Variants in GPHN observed in about 807,000 individuals in gnomAD.
GPHN encodes gephyrin.
In GPHN, 17 loss-of-function variants were observed where a neutral mutation model predicts 95.5. That is an observed-to-expected ratio of 0.18 (90% confidence interval 0.12 to 0.27). The LOEUF (loss-of-function observed/expected upper bound fraction) is 0.27. Ranked by LOEUF, GPHN falls within the 10% of genes least tolerant of loss-of-function variation. The pLI, the probability that GPHN is intolerant of heterozygous loss-of-function variation, is 1.00. For missense variants in GPHN, 660 were observed against 978.1 expected (o/e 0.67, Z 4.34); for synonymous variants, 320 against 322.5 (o/e 0.99, Z 0.08).
chr14:67,138,352 T>G (rs1438957202), intron 17 of GPHN, among the ~76,000 whole-genome samples: 2 of 152,210 alleles, frequency 1.3e-5, no homozygotes, highest in Non-Finnish European at 2.9e-5. Flanking sequence ...AAGGTCAGAT[T>G]ATAATGTTTT....
chr14:67,542,054 C>T, the GPHN span: 20 of 1,447,052 alleles, frequency 1.4e-5, no homozygotes, highest in Non-Finnish European at 1.8e-5. Context: ...CAGGGAGGGC[C>T]GTGTGAGAGA....
At chr14:66,934,127 A>G (rs1361646645) in intron 8 of GPHN, among the ~76,000 whole-genome samples, 6 of 142,630 alleles carry the variant, frequency 4.2e-5, no homozygotes, top group Admixed American at 7.1e-5. Context: ...TGACAGAGCA[A>G]GACTCTGTCT....
At chr14:66,596,394 G>C (rs1166430498) in intron 1 of GPHN, among the ~76,000 whole-genome samples, 2 of 152,020 alleles carry the variant, frequency 1.3e-5, no homozygotes, top group Non-Finnish European at 2.9e-5. Flanking sequence ...TCTGCCTCCT[G>C]CTGCCATTAA....
chr14:67,546,537 C>T, the GPHN span, among the ~76,000 whole-genome samples: 678 of 152,096 alleles, frequency 4.5e-3, 17 homozygotes, highest in East Asian at 0.061. Context: ...ATTACAGGCG[C>T]GCGCCACCAC....
chr14:67,455,455 A>G, the GPHN span, among the ~76,000 whole-genome samples: 56,741 of 152,006 alleles, frequency 0.37, 11,979 homozygotes, highest in African/African-American at 0.57. Context: ...CCCTGACTAG[A>G]TCAAATCCCC....
At chr14:66,550,495 C>T (rs1453664135) in intron 1 of GPHN, among the ~76,000 whole-genome samples, 1 of 152,198 alleles carries the variant, frequency 6.6e-6, no homozygotes, top group Non-Finnish European at 1.5e-5. Flanking sequence ...ATGCTATAGA[C>T]ATTGTTGAAG....
At chr14:66,742,471 G>A (rs548773925) in intron 2 of GPHN, among the ~76,000 whole-genome samples, 17 of 152,110 alleles carry the variant, frequency 1.1e-4, no homozygotes, top group Non-Finnish European at 2.4e-4. Context: ...ATATGCCCCT[G>A]AGCCTATATA....
chr14:66,737,457 A>G (rs978649034), intron 2 of GPHN, among the ~76,000 whole-genome samples: 4 of 151,748 alleles, frequency 2.6e-5, no homozygotes, highest in African/African-American at 9.7e-5. Context: ...TTCTTTTCAT[A>G]TTCTACCCAA....
At chr14:66,861,470 C>A (rs1046182825) in intron 4 of GPHN, among the ~76,000 whole-genome samples, 26 of 152,034 alleles carry the variant, frequency 1.7e-4, no homozygotes, top group Non-Finnish European at 3.4e-4. Context: ...AAACATCAGA[C>A]TTAATCAGCA....
the GPHN span, chr14:67,582,156 G>A: frequency 4.5e-5 from 72 of 1,613,558 alleles, no homozygotes; most frequent in Non-Finnish European, 6.0e-5. This position sits in a 1 kb window ranked among gnomAD's most constrained non-coding sequence, Gnocchi z 5.0. Flanking sequence ...TAGTGGCAGG[G>A]AGGTTTCCTA....
At chr14:66,575,779 G>A (rs1177183109) in intron 1 of GPHN, among the ~76,000 whole-genome samples, 1 of 152,134 alleles carries the variant, frequency 6.6e-6, no homozygotes, top group East Asian at 1.9e-4. Context: ...TCTATGGGGG[G>A]CTGGCCTGTC....
intron 1 of GPHN, among the ~76,000 whole-genome samples, chr14:66,595,016 A>G (rs891512257): frequency 2.0e-5 from 3 of 152,210 alleles, no homozygotes; most frequent in South Asian, 4.1e-4. Flanking sequence ...TGAAAATAAG[A>G]CATATAATTG....
chr14:66,621,285 T>TG (rs940393232), intron 1 of GPHN, among the ~76,000 whole-genome samples: 1 of 150,188 alleles, frequency 6.7e-6, no homozygotes, highest in African/African-American at 2.5e-5. Context: ...AATTTTTTTT[T>TG]TTCGTATTTG....
chr14:67,286,839 G>A, the GPHN span, among the ~76,000 whole-genome samples: 5 of 136,698 alleles, frequency 3.7e-5, no homozygotes, highest in South Asian at 7.2e-4. Context: ...CGTGGTGACA[G>A]AGTGAGACCT....
At chr14:66,905,012 C>T (rs903909732) in intron 5 of GPHN, among the ~76,000 whole-genome samples, 1 of 152,200 alleles carries the variant, frequency 6.6e-6, no homozygotes, top group Middle Eastern at 3.4e-3. Flanking sequence ...AAGCTTTCTA[C>T]CCCTTGATCT....
At chr14:67,582,794 G>A in the GPHN span, among the ~76,000 whole-genome samples, 1 of 152,196 alleles carries the variant, frequency 6.6e-6, no homozygotes, top group Admixed American at 6.5e-5. The surrounding 1 kb of genome is among the most constrained non-coding windows in gnomAD (Gnocchi z 5.0). Context: ...CCAAGATCAT[G>A]CCATTGCACT....
rs71129810 is a variant in GPHN at position 67,144,250 on chromosome 14, AATATAT to A, written c.1836+833_1836+838del. Among the ~76,000 whole-genome samples the A allele has an allele frequency of 2.0e-3, 113 of 57,746 alleles. 1 individual carries two copies. The Middle Eastern group carries it at 0.028, about 14-fold the overall frequency. 37.9% of individuals were successfully genotyped at this position (57,746 alleles called of 152,430 possible). ...AGACCCTGTCTTAAAAAAAAAAAAA[AATATAT>A]ATATATATATATATATATATATATA... On this transcript the variant is annotated intron_variant, in intron 18 of 22. Coordinates refer to ENST00000478722, the MANE Select transcript of GPHN (RefSeq NM_020806.5).
the GPHN span, among the ~76,000 whole-genome samples, chr14:67,619,511 G>GGCT: frequency 1.3e-5 from 2 of 152,242 alleles, no homozygotes; most frequent in Non-Finnish European, 2.9e-5. Context: ...GACTAGGCAG[G>GGCT]GCCAGACCAG....
rs755326112 is a variant in GPHN at position 67,143,384 on chromosome 14, T to C, written c.1771T>C (p.Leu591=). ...CAGCCCAGATGACTTACTCAATGCC[T>C]TGAATGAGGGTATCAGTCGTGCTGA... The part of the protein sequence containing the change: ...GDNPDDLLNA[L]NEGISRADVI... The change falls in exon 18 of 23, where the codon TTG becomes CTG. Residue 591 remains leucine (L), a synonymous_variant. Transcript: ENST00000478722. 12 of 1,610,140 alleles carry C rather than the reference T, an allele frequency of 7.5e-6. 1 individual carries two copies. In the South Asian group the frequency reaches 1.3e-4, roughly 18 times the overall value.
Sources: allele counts gnomAD v4.1 joint callset (sites outside exome capture counted in the v4.1 genomes callset), GRCh38; gene constraint gnomAD v4.1.1; non-coding constraint Gnocchi (gnomAD v3.1); transcripts MANE v1.5; gene names NCBI Gene and HGNC (gene_info 2026-07-23, HGNC 2026-07-21).